Variants in PAQR8 observed in about 807,000 individuals in gnomAD.
PAQR8 encodes the protein progestin and adipoQ receptor family member 8.
PAQR8 carries 17 observed loss-of-function variants against 25.2 expected under a neutral mutation model. The ratio of observed to expected loss-of-function variants is 0.67; its 90% CI spans 0.46 to 1.01. The LOEUF is 1.01. Ranked by LOEUF, PAQR8 falls within the 50% of genes least tolerant of loss-of-function variation. The pLI, the probability that PAQR8 is intolerant of heterozygous loss-of-function variation, is 0.00. For missense variants in PAQR8, 392 were observed against 448.4 expected, an observed-to-expected ratio of 0.87 and a Z score of 1.14; for synonymous variants, 204 against 190.6, an observed-to-expected ratio of 1.07 and a Z score of -0.58.
At chr6:52,396,449 CAG>C (rs1763768179) in intron 1 of PAQR8, among the ~76,000 whole-genome samples, 1 of 152,104 alleles carries the variant, frequency 6.6e-6, no homozygotes, top group African/African-American at 2.4e-5. Flanking sequence ...GGAAGGAAAA[CAG>C]AGAAAGGATC....
intron 1 of PAQR8, among the ~76,000 whole-genome samples, chr6:52,365,928 A>G (rs1433109092): frequency 2.0e-5 from 3 of 152,170 alleles, no homozygotes; most frequent in Non-Finnish European, 4.4e-5. Flanking sequence ...AAAAAGTTTA[A>G]AAGCCTCTTC....
At chr6:52,366,557 AC>A (rs1763356088) in intron 1 of PAQR8, among the ~76,000 whole-genome samples, 1 of 152,210 alleles carries the variant, frequency 6.6e-6, no homozygotes, top group South Asian at 2.1e-4. Context: ...CCCAATATGT[AC>A]TCAGAGGCCA....
rs186248613 is a variant in PAQR8, at chr6:52,375,428, G to T, written c.-53+13179G>T. 1.1e-4 allele frequency among the ~76,000 whole-genome samples: 17 copies of T among 152,262 alleles called. No homozygotes were observed. In the East Asian group the frequency reaches 2.7e-3, roughly 24 times the overall value. ...TCATATTAGGTCCCTAACAGCTAGGGAGCAGATCTCCTCATTCATTGACAT... is the reference window on the plus strand; with the variant it reads ...TCATATTAGGTCCCTAACAGCTAGGTAGCAGATCTCCTCATTCATTGACAT... On this transcript the variant is annotated intron_variant, in intron 1 of 1. Transcript: ENST00000442253.
chr6:52,388,180 A>C (rs962861817), intron 1 of PAQR8, among the ~76,000 whole-genome samples: 7 of 152,180 alleles, frequency 4.6e-5, no homozygotes, highest in African/African-American at 1.7e-4. Flanking sequence ...GTTTGAGACC[A>C]GCCTGGCCAA....
intron 1 of PAQR8, among the ~76,000 whole-genome samples, chr6:52,397,023 A>G (rs1346823461): frequency 6.6e-6 from 1 of 152,176 alleles, no homozygotes; most frequent in Non-Finnish European, 1.5e-5. Context: ...AGATACCACA[A>G]TTGACAGGGA....
At chr6:52,377,951 T>C (rs955011152) in intron 1 of PAQR8, among the ~76,000 whole-genome samples, 5 of 152,146 alleles carry the variant, frequency 3.3e-5, no homozygotes, top group African/African-American at 1.2e-4. Context: ...ATAAACGAGG[T>C]TGAAACAGAA....
At chr6:52,374,037 C>G (rs1279444117) in intron 1 of PAQR8, among the ~76,000 whole-genome samples, 4 of 152,096 alleles carry the variant, frequency 2.6e-5, no homozygotes. Context: ...GACACCTCCC[C>G]ACTCCCTCTC....
intron 1 of PAQR8, among the ~76,000 whole-genome samples, chr6:52,372,189 A>T (rs1405898912): frequency 6.6e-6 from 1 of 152,194 alleles, no homozygotes; most frequent in Non-Finnish European, 1.5e-5. Flanking sequence ...AAACTTGGAA[A>T]TGCTTAGCTT....
intron 1 of PAQR8, among the ~76,000 whole-genome samples, chr6:52,379,227 A>T (rs1035607484): frequency 3.3e-5 from 5 of 152,052 alleles, no homozygotes; most frequent in African/African-American, 1.2e-4. Flanking sequence ...TATATAACGG[A>T]CCTAGAGTAG....
At chr6:52,385,747 A>G (rs1763626026) in intron 1 of PAQR8, among the ~76,000 whole-genome samples, 1 of 152,076 alleles carries the variant, frequency 6.6e-6, no homozygotes, top group African/African-American at 2.4e-5. Flanking sequence ...TTAGCTGGGC[A>G]TCTGGTGTGC....
chr6:52,404,643 G>A lies in PAQR8; in HGVS notation c.*365G>A, dbSNP rs1763886348. On this transcript the variant is annotated 3_prime_UTR_variant, in exon 2 of 2. Coordinates refer to ENST00000442253, the MANE Select transcript of PAQR8 (RefSeq NM_133367.5). ...ATGGATAATAAAATTGGACTGGAAA[G>A]TAAGTAGGTGGCTGGTCCTCACCCT... 1 of 206,886 alleles carries A rather than the reference G, an allele frequency of 4.8e-6. No homozygotes were observed. The highest frequency in any genetic ancestry group is 5.3e-5 in the Admixed American group (1 of 18,972). The allele number at this position is 206,886 out of a possible 1,614,324, so 12.8% of individuals were successfully genotyped here. A position where few individuals can be genotyped will look rare whatever the true frequency, so the allele number is the denominator to read the frequency against.
chr6:52,375,151 T>C (rs1763470951), intron 1 of PAQR8, among the ~76,000 whole-genome samples: 1 of 152,218 alleles, frequency 6.6e-6, no homozygotes, highest in African/African-American at 2.4e-5. Context: ...GTGGCAAATA[T>C]ATGGCTCTGT....
Position 52,403,890 on chromosome 6 carries a change from G to A in PAQR8, c.677G>A (p.Ser226Asn). The part of the protein sequence containing the change: ...PAGLAFILDI[S>N]PVAHRVALCH... Reference sequence around the variant, plus strand: ...GGTCTGGCTTTTATCCTAGACATCAGCCCTGTGGCACACCGTGTGGCGCTC... The same window carrying A: ...GGTCTGGCTTTTATCCTAGACATCAACCCTGTGGCACACCGTGTGGCGCTC... The change falls in exon 2 of 2, where the codon AGC becomes AAC. Residue 226 changes from serine to asparagine, a missense_variant. Physicochemically the swap from Ser to Asn is conservative, Grantham distance 46 (BLOSUM62 1). Coordinates refer to ENST00000442253, the MANE Select transcript of PAQR8 (RefSeq NM_133367.5). 1 of 1,614,222 alleles carries A rather than the reference G, an allele frequency of 6.2e-7. No individual in the cohort carries two copies. The highest frequency in any genetic ancestry group is 8.5e-7 in the Non-Finnish European group (1 of 1,180,036).
chr6:52,393,132 A>T (rs1226512498), intron 1 of PAQR8, among the ~76,000 whole-genome samples: 1 of 152,198 alleles, frequency 6.6e-6, no homozygotes, highest in Non-Finnish European at 1.5e-5. Context: ...GATCTATCAC[A>T]TACTGTGCAG....
At chr6:52,364,810 T>G (rs534889675) in intron 1 of PAQR8, among the ~76,000 whole-genome samples, 6 of 152,262 alleles carry the variant, frequency 3.9e-5, no homozygotes, top group African/African-American at 1.4e-4. Context: ...GAGTATGTAT[T>G]TAGGATTGGA....
intron 1 of PAQR8, among the ~76,000 whole-genome samples, chr6:52,379,619 CTTTTTTTTT>C (rs909812638): frequency 3.9e-5 from 3 of 77,238 alleles, no homozygotes; most frequent in East Asian, 4.4e-4. Flanking sequence ...ACCCAGCTTT[CTTTTTTTTT>C]TTTTTTTTTT....
intron 1 of PAQR8, among the ~76,000 whole-genome samples, chr6:52,389,336 A>T (rs1313011174): frequency 6.6e-6 from 1 of 152,236 alleles, no homozygotes; most frequent in Non-Finnish European, 1.5e-5. Context: ...CATTCTGGGG[A>T]CATCTTTCCT....
chr6:52,392,827 G>A (rs989261622), intron 1 of PAQR8, among the ~76,000 whole-genome samples: 2 of 152,140 alleles, frequency 1.3e-5, no homozygotes, highest in African/African-American at 4.8e-5. Context: ...GACCTATTTG[G>A]ATTATTTGAT....
At chr6:52,369,001 G>T (rs1178038624) in intron 1 of PAQR8, among the ~76,000 whole-genome samples, 2 of 152,128 alleles carry the variant, frequency 1.3e-5, no homozygotes, top group Non-Finnish European at 2.9e-5. Context: ...CTGAGAGAAA[G>T]ATTTTTCTTT....
Sources: gnomAD v4.1 joint callset for allele counts (sites outside exome capture counted in the v4.1 genomes callset) on GRCh38, gnomAD v4.1.1 for gene constraint, MANE v1.5 for transcripts, NCBI Gene and HGNC (gene_info 2026-07-23, HGNC 2026-07-21) for gene names.